Variants in MDGA2 observed in about 807,000 individuals in gnomAD.
MDGA2 encodes MAM domain-containing glycosylphosphatidylinositol anchor protein 2.
MDGA2 carries 40 observed loss-of-function variants against 117.8 expected under a neutral mutation model. The ratio of observed to expected loss-of-function variants is 0.34; its 90% CI spans 0.26 to 0.44. MDGA2 has a LOEUF of 0.44. Among genes scored for constraint, MDGA2 ranks in the 20% least tolerant of loss-of-function variants. The pLI, the probability that MDGA2 is intolerant of heterozygous loss-of-function variation, is 1.00. For synonymous variants in MDGA2, 452 were observed against 439.0 expected, an observed-to-expected ratio of 1.03 and a Z score of -0.37; for missense variants, 1,123 against 1,250.6, an observed-to-expected ratio of 0.90 and a Z score of 1.54.
At chr14:47,130,944 C>G (rs796518750) in intron 5 of MDGA2, among the ~76,000 whole-genome samples, 2 of 152,142 alleles carry the variant, frequency 1.3e-5, no homozygotes, top group African/African-American at 4.8e-5. Flanking sequence ...GTGCAGCACA[C>G]CAACATGGCC....
chr14:47,300,186 C>T (rs982693776), intron 2 of MDGA2, among the ~76,000 whole-genome samples: 7 of 152,144 alleles, frequency 4.6e-5, no homozygotes, highest in Admixed American at 4.6e-4. Flanking sequence ...CTCCACATTA[C>T]TTTTCGCTTT....
At chr14:47,108,420 C>T (rs1273961463) in intron 5 of MDGA2, among the ~76,000 whole-genome samples, 1 of 152,150 alleles carries the variant, frequency 6.6e-6, no homozygotes, top group Non-Finnish European at 1.5e-5. Flanking sequence ...AGTGAATATG[C>T]CTTGCCCCAC....
At chr14:47,417,015 G>C (rs1487180360) in intron 1 of MDGA2, among the ~76,000 whole-genome samples, 2 of 152,100 alleles carry the variant, frequency 1.3e-5, no homozygotes, top group South Asian at 2.1e-4. Context: ...AGAGAATGCT[G>C]GTAGAAGCAT....
intron 1 of MDGA2, among the ~76,000 whole-genome samples, chr14:47,527,440 A>G (rs546605808): frequency 1.3e-5 from 2 of 152,318 alleles, no homozygotes; most frequent in South Asian, 2.1e-4. Flanking sequence ...TAGGAAAGAA[A>G]GGAAAAGACA....
intron 3 of MDGA2, among the ~76,000 whole-genome samples, chr14:47,160,564 G>A (rs958309812): frequency 6.6e-6 from 1 of 152,136 alleles, no homozygotes; most frequent in African/African-American, 2.4e-5. Context: ...GGAGGCTGAA[G>A]CAAGAGAATC....
At chr14:47,589,138 T>C (rs1395977357) in intron 1 of MDGA2, among the ~76,000 whole-genome samples, 1 of 152,138 alleles carries the variant, frequency 6.6e-6, no homozygotes, top group Middle Eastern at 3.4e-3. Context: ...GTAAGATAAT[T>C]GCAGGCTTTG....
intron 1 of MDGA2, among the ~76,000 whole-genome samples, chr14:47,558,945 T>C (rs1895740482): frequency 6.6e-6 from 1 of 152,152 alleles, no homozygotes; most frequent in Non-Finnish European, 1.5e-5. Context: ...AAAATTTGAA[T>C]ATATACATAC....
intron 5 of MDGA2, among the ~76,000 whole-genome samples, chr14:47,124,367 G>A (rs1215360093): frequency 6.6e-6 from 1 of 152,038 alleles, no homozygotes; most frequent in African/African-American, 2.4e-5. Context: ...TTCCTTTAGA[G>A]TTGTGTTCTT....
intron 1 of MDGA2, among the ~76,000 whole-genome samples, chr14:47,571,443 T>A (rs1594923626): frequency 1.3e-5 from 2 of 152,054 alleles, no homozygotes; most frequent in African/African-American, 2.4e-5. Context: ...TACTATAAAG[T>A]CACATGCACA....
chr14:47,342,673 T>C (rs1373815923), intron 1 of MDGA2, among the ~76,000 whole-genome samples: 1 of 152,106 alleles, frequency 6.6e-6, no homozygotes, highest in Non-Finnish European at 1.5e-5. Flanking sequence ...CTTGTGAAGA[T>C]GTTGACCCGG....
intron 2 of MDGA2, among the ~76,000 whole-genome samples, chr14:47,219,013 C>G (rs1056395564): frequency 6.6e-6 from 1 of 151,948 alleles, no homozygotes; most frequent in Non-Finnish European, 1.5e-5. Flanking sequence ...TGAATAAAAG[C>G]CACATACTCA....
At chr14:47,155,161 A>T (rs561106250) in intron 3 of MDGA2, among the ~76,000 whole-genome samples, 1 of 152,218 alleles carries the variant, frequency 6.6e-6, no homozygotes, top group African/African-American at 2.4e-5. Context: ...GGAGGTACCC[A>T]CTTCAGGTCT....
chr14:47,339,361 A>G (rs12884207), intron 1 of MDGA2, among the ~76,000 whole-genome samples: 14,623 of 152,208 alleles, frequency 0.096, 762 homozygotes, highest in Middle Eastern at 0.13. Context: ...TCTGTAAATT[A>G]TACTGCTATA....
At chr14:47,580,170 A>T (rs1389609614) in intron 1 of MDGA2, among the ~76,000 whole-genome samples, 2 of 152,108 alleles carry the variant, frequency 1.3e-5, no homozygotes, top group African/African-American at 4.8e-5. Context: ...ATAATAAAAT[A>T]TCTTAGACTG....
chr14:47,556,321 A>G (rs1950392), intron 1 of MDGA2, among the ~76,000 whole-genome samples: 1 of 152,050 alleles, frequency 6.6e-6, no homozygotes, highest in South Asian at 2.1e-4. Context: ...TGCCTCTTCA[A>G]TTCTCTCCAG....
At chr14:47,544,934 T>G (rs1895429376) in intron 1 of MDGA2, among the ~76,000 whole-genome samples, 1 of 152,234 alleles carries the variant, frequency 6.6e-6, no homozygotes, top group African/African-American at 2.4e-5. Flanking sequence ...TTTTCTAAAT[T>G]TAATCTAATT....
intron 1 of MDGA2, among the ~76,000 whole-genome samples, chr14:47,399,193 G>C (rs559213279): frequency 6.6e-6 from 1 of 152,146 alleles, no homozygotes; most frequent in Admixed American, 6.5e-5. Context: ...TCAAAGATAA[G>C]ACATAAGAAA....
chr14:47,306,507 T>C lies in MDGA2; in HGVS notation c.281-4957A>G, dbSNP rs1178432387. Among the ~76,000 whole-genome samples, 3 of 130,366 alleles carry C rather than the reference T, an allele frequency of 2.3e-5. No individual in the cohort carries two copies. The Admixed American group carries it at 2.3e-4, about 10-fold the overall frequency. The allele number at this position is 130,366 out of a possible 152,430, so 85.5% of individuals were successfully genotyped here. A position where few individuals can be genotyped will look rare whatever the true frequency, so the allele number is the denominator to read the frequency against. ...CAGGCATTTATGGTTTTATTTATGG[T>C]TTTGGTACAAGGAGCTTCCTCTCTG... On this transcript the variant is annotated intron_variant, in intron 1 of 16. Transcript: ENST00000399232.
chr14:46,913,980 A>AT (rs1883805754), intron 10 of MDGA2, among the ~76,000 whole-genome samples: 4 of 152,236 alleles, frequency 2.6e-5, no homozygotes, highest in South Asian at 2.1e-4. Flanking sequence ...TCAATTATGG[A>AT]TTTTTTTAAA....
Sources: allele counts gnomAD v4.1 joint callset (sites outside exome capture counted in the v4.1 genomes callset), GRCh38; gene constraint gnomAD v4.1.1; transcripts MANE v1.5; gene names NCBI Gene and HGNC (gene_info 2026-07-23, HGNC 2026-07-21).